Variants in SMIM14 observed in about 807,000 individuals in gnomAD.
SMIM14 encodes chromosome 4 open reading frame 34.
A neutral mutation model predicts 12.6 loss-of-function variants in SMIM14; 5 were observed. The observed-to-expected ratio is 0.40, with a 90% CI of 0.21 to 0.83. The LOEUF is 0.83. SMIM14 is among the 40% of genes least tolerant of loss of function. The pLI is 0.37. For synonymous variants in SMIM14, 30 were observed against 40.1 expected, an observed-to-expected ratio of 0.75 and a Z score of 0.95; for missense variants, 86 against 119.1, an observed-to-expected ratio of 0.72 and a Z score of 1.29.
At chr4:39,555,958 A>G (rs1711989826) in intron 4 of SMIM14, among the ~76,000 whole-genome samples, 1 of 152,064 alleles carries the variant, frequency 6.6e-6, no homozygotes, top group African/African-American at 2.4e-5. Flanking sequence ...TTCTCATGTG[A>G]GTAAAGATTA....
chr4:39,564,651 A>G (rs1008818322), intron 3 of SMIM14, among the ~76,000 whole-genome samples: 12 of 152,206 alleles, frequency 7.9e-5, no homozygotes, highest in Non-Finnish European at 1.6e-4. Context: ...AATGGAAAGC[A>G]TCCTCTCTTT....
At chr4:39,618,403 T>C (rs1361359298) in intron 1 of SMIM14, among the ~76,000 whole-genome samples, 2 of 151,252 alleles carry the variant, frequency 1.3e-5, no homozygotes, top group Non-Finnish European at 2.9e-5. Flanking sequence ...AGCCCCAGAG[T>C]ATTGGGAGGC....
At chr4:39,589,215 T>G (rs1056395514) in intron 2 of SMIM14, among the ~76,000 whole-genome samples, 1 of 152,200 alleles carries the variant, frequency 6.6e-6, no homozygotes, top group African/African-American at 2.4e-5. Flanking sequence ...GCCTCTCAAG[T>G]AGCTGGAATT....
intron 1 of SMIM14, among the ~76,000 whole-genome samples, chr4:39,636,173 CAAAAAAAAA>C (rs749292775): frequency 6.5e-5 from 5 of 76,344 alleles, no homozygotes; most frequent in East Asian, 3.9e-4. Flanking sequence ...CTCCATCTCC[CAAAAAAAAA>C]AAAAAAAAAA....
chr4:39,594,961 G>A (rs1041385325), intron 2 of SMIM14, among the ~76,000 whole-genome samples: 5 of 150,792 alleles, frequency 3.3e-5, no homozygotes, highest in African/African-American at 1.2e-4. Flanking sequence ...TGGTGGGACT[G>A]TAAACTAGTT....
intron 1 of SMIM14, among the ~76,000 whole-genome samples, chr4:39,610,947 A>T (rs1231036967): frequency 1.3e-5 from 2 of 152,188 alleles, no homozygotes; most frequent in Non-Finnish European, 2.9e-5. Flanking sequence ...AGGACCAATA[A>T]TTTTAACAAC....
At chr4:39,607,760 A>G (rs1442392963) in intron 1 of SMIM14, among the ~76,000 whole-genome samples, 1 of 152,230 alleles carries the variant, frequency 6.6e-6, no homozygotes, top group Non-Finnish European at 1.5e-5. Context: ...CAACTCCCAG[A>G]ATGGAATATT....
At chr4:39,631,090 G>T (rs1715878145) in intron 1 of SMIM14, among the ~76,000 whole-genome samples, 1 of 152,092 alleles carries the variant, frequency 6.6e-6, no homozygotes. Flanking sequence ...CCAGGACTTT[G>T]GGAGGCTGAG....
At chr4:39,585,524 C>T (rs558124192) in intron 2 of SMIM14, among the ~76,000 whole-genome samples, 6 of 151,924 alleles carry the variant, frequency 3.9e-5, no homozygotes, top group Admixed American at 2.6e-4. Context: ...CTCGAACTCC[C>T]GACCTCAGGT....
chr4:39,603,629 T>C (rs988315950), intron 2 of SMIM14, among the ~76,000 whole-genome samples: 2 of 152,134 alleles, frequency 1.3e-5, no homozygotes, highest in African/African-American at 2.4e-5. Flanking sequence ...TTTAAGCTTA[T>C]AGACTCACTA....
chr4:39,603,479 A>T (rs1714691214), intron 2 of SMIM14, among the ~76,000 whole-genome samples: 1 of 152,104 alleles, frequency 6.6e-6, no homozygotes, highest in Admixed American at 6.5e-5. Context: ...GAATGGCGTG[A>T]ACCTGGGAGG....
intron 2 of SMIM14, among the ~76,000 whole-genome samples, chr4:39,575,967 C>T (rs531057251): frequency 6.7e-6 from 1 of 149,916 alleles, no homozygotes; most frequent in South Asian, 2.1e-4. Flanking sequence ...GATCTCAGCT[C>T]ACTGCAACCT....
intron 3 of SMIM14, among the ~76,000 whole-genome samples, chr4:39,563,974 C>A (rs1712452093): frequency 6.6e-6 from 1 of 152,054 alleles, no homozygotes; most frequent in Non-Finnish European, 1.5e-5. Flanking sequence ...TGTCACCAGG[C>A]TGGAGTGCAG....
chr4:39,548,829 G>A lies in SMIM14; in HGVS notation c.*3297C>T, dbSNP rs1433052594. 6.6e-6 allele frequency: 1 copy of A among 152,132 alleles called. No homozygotes were observed. Among genetic ancestry groups the A allele is most frequent in the African/African-American group, 2.4e-5 (1 of 41,428 alleles). 9.4% of individuals were successfully genotyped at this position (152,132 alleles called of 1,614,324 possible). A position where few individuals can be genotyped will look rare whatever the true frequency, so the allele number is the denominator to read the frequency against. On this transcript the variant is annotated 3_prime_UTR_variant, in exon 5 of 5. Transcript: ENST00000295958. ...CTAAGTAAATAGATGGCTCATGTAG[G>A]AAAAAGCTAATATATGTAGATGTAA... is the stretch of plus-strand genomic sequence containing the variant.
intron 1 of SMIM14, among the ~76,000 whole-genome samples, chr4:39,608,918 G>A (rs941572649): frequency 6.6e-6 from 1 of 152,102 alleles, no homozygotes; most frequent in Non-Finnish European, 1.5e-5. Context: ...ACTGTTCTAT[G>A]GTGATAATCA....
intron 2 of SMIM14, among the ~76,000 whole-genome samples, chr4:39,573,738 C>T (rs6834536): frequency 6.6e-6 from 1 of 152,128 alleles, no homozygotes; most frequent in Admixed American, 6.5e-5. Context: ...GAAAATGCAT[C>T]TTTGAAAGGA....
intron 1 of SMIM14, among the ~76,000 whole-genome samples, chr4:39,617,970 G>A (rs1213965279): frequency 6.6e-6 from 1 of 152,232 alleles, no homozygotes; most frequent in East Asian, 1.9e-4. Flanking sequence ...CTTCTCCCAA[G>A]GTGCATCTGC....
intron 1 of SMIM14, among the ~76,000 whole-genome samples, chr4:39,631,545 G>A (rs1250108764): frequency 2.6e-5 from 4 of 151,818 alleles, no homozygotes; most frequent in Non-Finnish European, 5.9e-5. Flanking sequence ...TGTAGTCCCA[G>A]CTACTCGGGA....
At chr4:39,628,720 CTTTTT>C (rs541461723) in intron 1 of SMIM14, among the ~76,000 whole-genome samples, 151 of 135,280 alleles carry the variant, frequency 1.1e-3, no homozygotes, top group Middle Eastern at 3.9e-3. Context: ...AAATGTTTTT[CTTTTT>C]TTTTTTTTTT....
Sources: gnomAD v4.1 joint callset for allele counts (sites outside exome capture counted in the v4.1 genomes callset) on GRCh38, gnomAD v4.1.1 for gene constraint, MANE v1.5 for transcripts, NCBI Gene and HGNC (gene_info 2026-07-23, HGNC 2026-07-21) for gene names.